Variants in LHPP observed in about 807,000 individuals in gnomAD.
LHPP encodes the protein phospholysine phosphohistidine inorganic pyrophosphate phosphatase.
A neutral mutation model predicts 30.3 loss-of-function variants in LHPP; 24 were observed. The observed-to-expected ratio is 0.79, with a 90% confidence interval of 0.57 to 1.11. The LOEUF (loss-of-function observed/expected upper bound fraction) is 1.11. Ranked by LOEUF, LHPP falls within the 50% of genes most tolerant of loss-of-function variation. The pLI is 0.00. For missense variants in LHPP, 356 were observed against 367.2 expected (o/e 0.97, Z 0.25); for synonymous variants, 150 against 157.1 (o/e 0.95, Z 0.34).
At chr10:124,610,687 G>A (rs1311410589) in intron 6 of LHPP, among the ~76,000 whole-genome samples, 2 of 93,806 alleles carry the variant, frequency 2.1e-5, no homozygotes, top group African/African-American at 1.2e-4. Flanking sequence ...GAGCGGGTGC[G>A]GGTGCGGGTG....
chr10:124,486,962 G>A (rs1262014177), intron 2 of LHPP, among the ~76,000 whole-genome samples: 1 of 152,260 alleles, frequency 6.6e-6, no homozygotes, highest in Non-Finnish European at 1.5e-5. Context: ...GAGCAACCTA[G>A]TCCTGCTGAG....
intron 5 of LHPP, among the ~76,000 whole-genome samples, chr10:124,515,567 T>C (rs1954430078): frequency 6.6e-6 from 1 of 152,216 alleles, no homozygotes; most frequent in African/African-American, 2.4e-5. Context: ...ACCTTCTTTT[T>C]GGGTGCTGGA....
chr10:124,568,315 CCCTGAAACCAGCT>C (rs1299041668), intron 6 of LHPP, among the ~76,000 whole-genome samples: 3 of 152,284 alleles, frequency 2.0e-5, no homozygotes, highest in African/African-American at 7.2e-5. Context: ...TGAAATACAT[CCCTGAAACCAGCT>C]CCGGATCGAG....
At chr10:124,583,573 T>C (rs894357001) in intron 6 of LHPP, among the ~76,000 whole-genome samples, 1 of 152,206 alleles carries the variant, frequency 6.6e-6, no homozygotes, top group African/African-American at 2.4e-5. Flanking sequence ...CAGCATCTGC[T>C]TCTGGGAAGC....
Position 124,463,534 on chromosome 10 carries a change from T to G in LHPP, c.125+1547T>G, listed in dbSNP as rs1220603593. ...CCCGCCACCACGCCCAGCTAATTTTTGTATTTTTGGTAGACATGGGGTTTC... is the reference window on the plus strand; with the variant it reads ...CCCGCCACCACGCCCAGCTAATTTTGGTATTTTTGGTAGACATGGGGTTTC... On this transcript the variant is annotated intron_variant, in intron 1 of 6. Transcript: ENST00000368842. 2.6e-5 allele frequency among the ~76,000 whole-genome samples: 4 copies of G among 152,144 alleles called. No homozygotes were observed. In the East Asian group the frequency reaches 5.9e-4, roughly 22 times the overall value.
At chr10:124,506,694 TTG>T (rs1564796549) in intron 5 of LHPP, among the ~76,000 whole-genome samples, 22 of 62,198 alleles carry the variant, frequency 3.5e-4, no homozygotes, top group South Asian at 1.1e-3. Flanking sequence ...AGATTTCAGG[TTG>T]GCGGGTAGGG....
chr10:124,548,835 G>A (rs550257177), intron 6 of LHPP, among the ~76,000 whole-genome samples: 4 of 152,332 alleles, frequency 2.6e-5, no homozygotes, highest in African/African-American at 4.8e-5. Flanking sequence ...GCAGGAGCCC[G>A]GGTCCCCGGA....
chr10:124,603,352 A>G (rs571567757), intron 6 of LHPP, among the ~76,000 whole-genome samples: 1 of 151,850 alleles, frequency 6.6e-6, no homozygotes, highest in South Asian at 2.1e-4. Context: ...GTTACAGAGG[A>G]GCAGATGGCC....
intron 6 of LHPP, among the ~76,000 whole-genome samples, chr10:124,577,063 C>A (rs1948673319): frequency 6.6e-6 from 1 of 152,234 alleles, no homozygotes. Flanking sequence ...TCTTTCCAGA[C>A]CCTAGAAAGT....
chr10:124,594,062 G>A (rs190440386), intron 6 of LHPP, among the ~76,000 whole-genome samples: 5 of 152,280 alleles, frequency 3.3e-5, no homozygotes, highest in East Asian at 1.9e-4. Context: ...TCGGCCGGAC[G>A]TGGGGGGCTC....
intron 1 of LHPP, among the ~76,000 whole-genome samples, chr10:124,482,141 C>T (rs141594019): frequency 1.3e-5 from 2 of 152,332 alleles, no homozygotes; most frequent in African/African-American, 4.8e-5. Flanking sequence ...CTCACTTGCT[C>T]AGATGGAAGT....
At chr10:124,585,233 A>G (rs1280484695) in intron 6 of LHPP, among the ~76,000 whole-genome samples, 1 of 152,230 alleles carries the variant, frequency 6.6e-6, no homozygotes. Flanking sequence ...TCCGTTGTCA[A>G]ATTTACTACT....
At chr10:124,558,188 G>T (rs1948334315) in intron 6 of LHPP, among the ~76,000 whole-genome samples, 1 of 152,166 alleles carries the variant, frequency 6.6e-6, no homozygotes, top group Admixed American at 6.5e-5. Context: ...GGGAGTCATA[G>T]TGATGAGTCT....
chr10:124,606,892 T>TCCTGTGTCCCATGCCTGTC (rs1949102516), intron 6 of LHPP, among the ~76,000 whole-genome samples: 1 of 152,230 alleles, frequency 6.6e-6, no homozygotes, highest in African/African-American at 2.4e-5. Context: ...CTGCCCCTGT[T>TCCTGTGTCCCATGCCTGTC]CCTGTGTCCC....
intron 6 of LHPP, among the ~76,000 whole-genome samples, chr10:124,563,832 A>G (rs1010553802): frequency 6.6e-5 from 10 of 152,204 alleles, no homozygotes; most frequent in Non-Finnish European, 1.3e-4. Flanking sequence ...AACAATGACA[A>G]CTCTGGGACA....
intron 6 of LHPP, among the ~76,000 whole-genome samples, chr10:124,527,017 CTT>C (rs1954757558): frequency 6.6e-6 from 1 of 152,240 alleles, no homozygotes; most frequent in African/African-American, 2.4e-5. Flanking sequence ...ACCTGGGCCA[CTT>C]GGGCTCTGCT....
rs137893265 is a variant in LHPP at position 124,590,357 on chromosome 10, C to A, written c.717-22907C>A. On this transcript the variant is annotated intron_variant, in intron 6 of 6. Transcript: ENST00000368842. The surrounding 1 kb of genome is among the most constrained non-coding windows in gnomAD (Gnocchi z 4.3). ...GCTGGAACCCTCCGCACGAGGGCAA[C>A]CTTTCTTGGGCTCTGAAGGCGCCTC... 1.2e-3 allele frequency among the ~76,000 whole-genome samples: 187 copies of A among 152,306 alleles called. 1 individual carries two copies. The highest frequency in any genetic ancestry group is 6.6e-3 in the East Asian group (34 of 5,184).
In LHPP at chr10:124,517,305, C is replaced by T. The variant is rs558634349; in HGVS notation, c.716+34C>T. 19 of 1,362,560 alleles carry T rather than the reference C, an allele frequency of 1.4e-5. No homozygotes were observed. In the African/African-American group the frequency reaches 2.5e-4, roughly 18 times the overall value. 84.4% of individuals were successfully genotyped at this position (1,362,560 alleles called of 1,614,324 possible). ...CAGCTGGAGTCATTTATTCACCTTCCTTCCAGGGGATGACCACATTCTCAT... is the reference window on the plus strand; with the variant it reads ...CAGCTGGAGTCATTTATTCACCTTCTTTCCAGGGGATGACCACATTCTCAT... On this transcript the variant is annotated intron_variant, in intron 6 of 6. Transcript: ENST00000368842. This position sits in a 1 kb window ranked among gnomAD's most constrained non-coding sequence, Gnocchi z 4.1.
At chr10:124,502,457 T>C (rs60441558) in intron 5 of LHPP, among the ~76,000 whole-genome samples, 53,322 of 151,050 alleles carry the variant, frequency 0.35, 9,757 homozygotes, top group Middle Eastern at 0.46. Flanking sequence ...CTCCGCCTCC[T>C]GGGTTCACGC....
Sources: allele counts gnomAD v4.1 joint callset (sites outside exome capture counted in the v4.1 genomes callset), GRCh38; gene constraint gnomAD v4.1.1; non-coding constraint Gnocchi (gnomAD v3.1); transcripts MANE v1.5; gene names NCBI Gene and HGNC (gene_info 2026-07-23, HGNC 2026-07-21).